Variants in ADAMTS6 observed in about 807,000 individuals in gnomAD.
The protein encoded by ADAMTS6 is ADAM metallopeptidase with thrombospondin type 1 motif 6.
Under a neutral mutation model 144.3 loss-of-function variants are expected in ADAMTS6, and 23 were observed. That is an observed-to-expected ratio of 0.16 (90% CI 0.11 to 0.23). The LOEUF (loss-of-function observed/expected upper bound fraction) is 0.23, where lower values mean the gene tolerates loss of function less well. Ranked by LOEUF, ADAMTS6 falls within the 10% of genes least tolerant of loss-of-function variation. The pLI is 1.00. For missense variants in ADAMTS6, 999 were observed against 1,379.6 expected (o/e 0.72, Z 4.37); for synonymous variants, 444 against 457.5 (o/e 0.97, Z 0.38).
intron 14 of ADAMTS6, among the ~76,000 whole-genome samples, chr5:65,260,108 G>GT (rs1038534673): frequency 2.0e-5 from 3 of 152,144 alleles, no homozygotes; most frequent in African/African-American, 7.2e-5. Context: ...AGAGAAGTGA[G>GT]TATTAGGGGT....
intron 11 of ADAMTS6, among the ~76,000 whole-genome samples, chr5:65,277,798 A>G (rs897535223): frequency 2.5e-4 from 38 of 152,148 alleles, no homozygotes; most frequent in Admixed American, 2.0e-3. Flanking sequence ...ACAAAAGTCT[A>G]AAAGTTTCTG....
chr5:65,264,549 G>A (rs966810), intron 12 of ADAMTS6, among the ~76,000 whole-genome samples: 2 of 152,078 alleles, frequency 1.3e-5, no homozygotes, highest in African/African-American at 4.8e-5. Context: ...ATGTAACAGT[G>A]ATTCTGTCCT....
chr5:65,451,382 C>G, intron 7 of ADAMTS6, 93 bp downstream of exon 7: 1 of 1,425,602 alleles, frequency 7.0e-7, no homozygotes, highest in Non-Finnish European at 9.7e-7. Flanking sequence ...TCTCTATACT[C>G]ATTATCTGAA....
intron 21 of ADAMTS6, among the ~76,000 whole-genome samples, chr5:65,190,904 C>T (rs1754979983): frequency 6.6e-6 from 1 of 152,036 alleles, no homozygotes; most frequent in Non-Finnish European, 1.5e-5. Context: ...TGCAATTCTA[C>T]CACTGCATCT....
chr5:65,332,887 T>A (rs1248452777), intron 8 of ADAMTS6, among the ~76,000 whole-genome samples: 2 of 152,140 alleles, frequency 1.3e-5, no homozygotes, highest in Admixed American at 6.5e-5. Context: ...AGCTTCTCCA[T>A]AGTTAATACT....
At chr5:65,423,578 C>T (rs1756253703) in intron 7 of ADAMTS6, among the ~76,000 whole-genome samples, 1 of 151,622 alleles carries the variant, frequency 6.6e-6, no homozygotes, top group African/African-American at 2.4e-5. Flanking sequence ...AGCTGATAAT[C>T]AATAGCAATT....
intron 7 of ADAMTS6, among the ~76,000 whole-genome samples, chr5:65,348,517 T>C (rs924879243): frequency 3.3e-5 from 5 of 152,120 alleles, no homozygotes; most frequent in Middle Eastern, 3.4e-3. Context: ...GAGAAGGGAA[T>C]GGGGAGATAT....
At chr5:65,176,475 T>A (rs570514207) in intron 22 of ADAMTS6, among the ~76,000 whole-genome samples, 46 of 152,348 alleles carry the variant, frequency 3.0e-4, no homozygotes, top group African/African-American at 1.1e-3. Flanking sequence ...TATATTGTTT[T>A]GAAGATTTAA....
chr5:65,260,579 AC>A lies in ADAMTS6; in HGVS notation c.1830+20del. 6.2e-7 allele frequency: 1 copy of A among 1,609,108 alleles called. No homozygotes were observed. The highest frequency in any genetic ancestry group is 8.5e-7 in the Non-Finnish European group (1 of 1,177,414). ...GGAAAGAGTAAGCTAATTTTTCATA[AC>A]AGAGTTTGGTTTTACTTACATCTGT... On this transcript the variant is annotated intron_variant, in intron 14 of 24. Transcript: ENST00000381055.
chr5:65,176,709 T>C (rs1022505576), intron 22 of ADAMTS6, among the ~76,000 whole-genome samples: 1 of 152,240 alleles, frequency 6.6e-6, no homozygotes, highest in African/African-American at 2.4e-5. Context: ...AATAAATGTC[T>C]ACAAAGTTTA....
Position 65,224,993 on chromosome 5 carries a change from C to G in ADAMTS6, c.2122G>C (p.Val708Leu). ...CATGTGCTTCCGTCCCCTCCACAGA[C>G]TCGACATCTATCTTCCCTAGCATCA... ...GSDAREDRCRVCGGDGSTCDA... is the reference protein window; with the variant it reads ...GSDAREDRCRLCGGDGSTCDA... The change falls in exon 17 of 25, where the codon GTC becomes CTC. Residue 708 changes from valine to leucine, a missense_variant. Coordinates refer to ENST00000381055, the MANE Select transcript of ADAMTS6 (RefSeq NM_197941.4). 6.2e-7 allele frequency: 1 copy of G among 1,614,128 alleles called. No homozygotes were observed.
At chr5:65,292,062 A>G (rs7705164) in intron 10 of ADAMTS6, among the ~76,000 whole-genome samples, 88,301 of 151,794 alleles carry the variant, frequency 0.58, 26,696 homozygotes, top group African/African-American at 0.76. Context: ...TTTCATCTAG[A>G]ATCATCAGAA....
chr5:65,284,280 C>A (rs1468997533), intron 11 of ADAMTS6, among the ~76,000 whole-genome samples: 1 of 152,032 alleles, frequency 6.6e-6, no homozygotes, highest in African/African-American at 2.4e-5. Flanking sequence ...ACTCAACTAT[C>A]TTGTCTCTAG....
rs1023289165 is a variant in ADAMTS6 at position 65,397,448 on chromosome 5, G to A, written c.1073+54027C>T. On this transcript the variant is annotated intron_variant, in intron 7 of 24. Coordinates refer to ENST00000381055, the MANE Select transcript of ADAMTS6 (RefSeq NM_197941.4). ...TCCCTTTCTAATATATGCAACCAAT[G>A]TTATAAATTTCCCTCTATGCACTGC... Among the ~76,000 whole-genome samples, 40 of 151,584 alleles carry A rather than the reference G, an allele frequency of 2.6e-4. 1 individual carries two copies. Among genetic ancestry groups the A allele is most frequent in the Non-Finnish European group, 7.4e-5 (5 of 67,934 alleles).
At chr5:65,472,338 T>A (rs1458969272) in intron 2 of ADAMTS6, among the ~76,000 whole-genome samples, 1 of 152,084 alleles carries the variant, frequency 6.6e-6, no homozygotes, top group Non-Finnish European at 1.5e-5. Context: ...TTTGGAGTGA[T>A]GAAAATGTTC....
chr5:65,460,824 C>T (rs1352077850), intron 3 of ADAMTS6, among the ~76,000 whole-genome samples: 1 of 152,116 alleles, frequency 6.6e-6, no homozygotes, highest in Non-Finnish European at 1.5e-5. Context: ...CTCCAAATAC[C>T]TAGGGTAGGT....
intron 7 of ADAMTS6, among the ~76,000 whole-genome samples, chr5:65,401,600 C>T (rs1753921075): frequency 2.0e-5 from 3 of 152,220 alleles, no homozygotes; most frequent in Admixed American, 2.0e-4. Context: ...CTTGTCCACA[C>T]AGAGCCTCCA....
rs73761670 is a variant in ADAMTS6, at chr5:65,212,425, T to C, written c.2575+2369A>G. 9.4e-3 allele frequency among the ~76,000 whole-genome samples: 1,094 copies of C among 115,994 alleles called. 10 individuals carry two copies. Among genetic ancestry groups the C allele is most frequent in the African/African-American group, 0.031 (1,002 of 32,124 alleles). The allele number at this position is 115,994 out of a possible 152,430, so 76.1% of individuals were successfully genotyped here. On this transcript the variant is annotated intron_variant, in intron 20 of 24. Coordinates refer to ENST00000381055, the MANE Select transcript of ADAMTS6 (RefSeq NM_197941.4). ...CCCTTCCAGAGGCTTTTCTCTCTCT[T>C]TTTTTTTTTTTTTTTTTTTTTACCC...
Position 65,160,395 on chromosome 5 carries a change from CT to C in ADAMTS6, c.3245-8451del, listed in dbSNP as rs1353850647. Among the ~76,000 whole-genome samples the C allele has an allele frequency of 4.0e-5, 6 of 151,846 alleles. 1 individual carries two copies. Among genetic ancestry groups the C allele is most frequent in the Admixed American group, 3.9e-4 (6 of 15,252 alleles). On this transcript the variant is annotated intron_variant, in intron 24 of 24. Transcript: ENST00000381055. ...AATCTCGGCTCACTGCAAGCTCCGCCTCCCGGGTTCACGCCATTCTCCAGCC... is the reference window on the plus strand; with the variant it reads ...AATCTCGGCTCACTGCAAGCTCCGCCCCCGGGTTCACGCCATTCTCCAGCC...
Sources: gnomAD v4.1 joint callset for allele counts (sites outside exome capture counted in the v4.1 genomes callset) on GRCh38, gnomAD v4.1.1 for gene constraint, MANE v1.5 for transcripts, NCBI Gene and HGNC (gene_info 2026-07-23, HGNC 2026-07-21) for gene names.